Variants in SFMBT2 observed in about 807,000 individuals in gnomAD.
SFMBT2 encodes the protein Scm like with four mbt domains 2.
In SFMBT2, 38 loss-of-function variants were observed where a neutral mutation model predicts 110.1. The observed-to-expected ratio is 0.35, with a 90% CI of 0.27 to 0.45. SFMBT2 has a LOEUF of 0.45. SFMBT2 is among the 20% of genes least tolerant of loss of function. SFMBT2 has a pLI of 1.00. For missense variants in SFMBT2, 1,011 were observed against 1,094.9 expected (o/e 0.92, Z 1.08); for synonymous variants, 425 against 425.4 (o/e 1.00, Z 0.01).
rs189532460 is a variant in SFMBT2, at chr10:7,185,670, C to G, written c.1808+2954G>C. Among the ~76,000 whole-genome samples, 727 of 152,278 alleles carry G rather than the reference C, an allele frequency of 4.8e-3. 5 individuals are homozygous for G. Among genetic ancestry groups the G allele is most frequent in the Admixed American group, 5.6e-3 (86 of 15,294 alleles). On this transcript the variant is annotated intron_variant, in intron 16 of 20. Coordinates refer to ENST00000397167, the MANE Select transcript of SFMBT2 (RefSeq NM_001387889.1). Reference sequence around the variant, plus strand: ...TATTCTGAATAACTATAACACAGGACTAGAAGAATTATTAAGCTTCTGCCT... The same window carrying G: ...TATTCTGAATAACTATAACACAGGAGTAGAAGAATTATTAAGCTTCTGCCT...
intron 4 of SFMBT2, among the ~76,000 whole-genome samples, chr10:7,355,813 AAAATAAAT>A (rs746843341): frequency 9.2e-5 from 14 of 152,270 alleles, no homozygotes; most frequent in African/African-American, 3.4e-4. Flanking sequence ...CTCTGTCTCA[AAAATAAAT>A]AAATAAATAA....
At chr10:7,187,980 G>A (rs531936824) in intron 16 of SFMBT2, among the ~76,000 whole-genome samples, 41 of 152,216 alleles carry the variant, frequency 2.7e-4, no homozygotes, top group African/African-American at 9.1e-4. Flanking sequence ...TCTTAGAAAC[G>A]GATCTTTTTC....
rs751248207 is a variant in SFMBT2 at position 7,172,167 on chromosome 10, G to C, written c.2152-9C>G. The stretch of plus-strand genomic sequence containing the variant: ...TCCTCCTCTTCACTTTCCTGGGAAG[G>C]AGGAAAAGGCATTTAAGGGGCTGGT... On this transcript the variant is annotated splice_polypyrimidine_tract_variant and intron_variant, in intron 18 of 20. Transcript: ENST00000397167. The surrounding 1 kb of genome is among the most constrained non-coding windows in gnomAD (Gnocchi z 4.6). 7.3e-5 allele frequency: 112 copies of C among 1,537,152 alleles called. No homozygotes were observed. The highest frequency in any genetic ancestry group is 8.3e-5 in the Non-Finnish European group (95 of 1,141,520).
intron 6 of SFMBT2, among the ~76,000 whole-genome samples, chr10:7,278,777 G>A (rs1308362691): frequency 6.6e-6 from 1 of 152,128 alleles, no homozygotes; most frequent in Non-Finnish European, 1.5e-5. Flanking sequence ...CTCTGAATGG[G>A]GGAGGGATGC....
At chr10:7,195,293 A>G (rs911411723) in intron 15 of SFMBT2, among the ~76,000 whole-genome samples, 1 of 152,274 alleles carries the variant, frequency 6.6e-6, no homozygotes, top group Admixed American at 6.5e-5. Context: ...GTGCCAATTT[A>G]TTCACTTAGC....
At chr10:7,404,436 T>C (rs1336178119) in intron 1 of SFMBT2, among the ~76,000 whole-genome samples, 1 of 152,216 alleles carries the variant, frequency 6.6e-6, no homozygotes, top group Non-Finnish European at 1.5e-5. Flanking sequence ...ATCTTTTTCT[T>C]GGCCAATAAA....
At chr10:7,321,721 C>T (rs1843196111) in intron 4 of SFMBT2, among the ~76,000 whole-genome samples, 1 of 152,166 alleles carries the variant, frequency 6.6e-6, no homozygotes, top group Non-Finnish European at 1.5e-5. Context: ...CTCCCTTGTC[C>T]ATTTCCAAGC....
intron 4 of SFMBT2, among the ~76,000 whole-genome samples, chr10:7,304,690 C>A (rs1842644210): frequency 6.6e-6 from 1 of 152,272 alleles, no homozygotes; most frequent in East Asian, 1.9e-4. Flanking sequence ...CCTATCGATG[C>A]CGTCCATCAG....
At chr10:7,232,136 T>G (rs1483928945) in intron 9 of SFMBT2, among the ~76,000 whole-genome samples, 2 of 152,172 alleles carry the variant, frequency 1.3e-5, no homozygotes, top group African/African-American at 4.8e-5. Flanking sequence ...TATTTAAGCT[T>G]TTATTAGTGT....
At chr10:7,397,559 T>C (rs971652446) in intron 1 of SFMBT2, among the ~76,000 whole-genome samples, 1 of 152,092 alleles carries the variant, frequency 6.6e-6, no homozygotes, top group African/African-American at 2.4e-5. Context: ...AGCACAGGCA[T>C]CTATGCTGAG....
At chr10:7,271,296 A>C (rs998830820) in intron 7 of SFMBT2, among the ~76,000 whole-genome samples, 10 of 150,790 alleles carry the variant, frequency 6.6e-5, no homozygotes, top group African/African-American at 2.4e-4. Flanking sequence ...GCCTCCAAAA[A>C]AAAAAAAAAA....
intron 11 of SFMBT2, among the ~76,000 whole-genome samples, chr10:7,207,368 G>A (rs1283262276): frequency 1.3e-5 from 2 of 148,804 alleles, no homozygotes; most frequent in African/African-American, 2.5e-5. Context: ...AAGAAAGGAA[G>A]AAAGGAAGGA....
In SFMBT2 at chr10:7,301,316, C is replaced by A. The variant is rs1451911595; in HGVS notation, c.437-15362G>T. Among the ~76,000 whole-genome samples the A allele has an allele frequency of 6.6e-6, 1 of 152,242 alleles. No homozygotes were observed. Among genetic ancestry groups the A allele is most frequent in the Non-Finnish European group, 1.5e-5 (1 of 68,046 alleles). On this transcript the variant is annotated intron_variant, in intron 4 of 20. Transcript: ENST00000397167. The surrounding 1 kb of genome is among the most constrained non-coding windows in gnomAD (Gnocchi z 4.2). ...AAGACACTATGGACTAGTTGCCAGT[C>A]CCTCTACAGGGATCGTTTTGAAAGG... is the stretch of plus-strand genomic sequence containing the variant.
chr10:7,196,938 G>A (rs951412978), intron 15 of SFMBT2, among the ~76,000 whole-genome samples: 8 of 152,170 alleles, frequency 5.3e-5, no homozygotes, highest in Non-Finnish European at 1.2e-4. Flanking sequence ...TCTGCAGGTC[G>A]TCGCCCGAAG....
intron 4 of SFMBT2, among the ~76,000 whole-genome samples, chr10:7,299,707 A>G (rs1842503650): frequency 6.6e-6 from 1 of 152,180 alleles, no homozygotes; most frequent in African/African-American, 2.4e-5. Flanking sequence ...CAGAAATATC[A>G]TTTGACCCAG....
intron 10 of SFMBT2, among the ~76,000 whole-genome samples, chr10:7,223,997 T>C (rs1411151933): frequency 6.6e-6 from 1 of 152,228 alleles, no homozygotes; most frequent in African/African-American, 2.4e-5. Context: ...TGGGTCATGA[T>C]GGGTTTAGTC....
chr10:7,265,926 G>A (rs983227459), intron 7 of SFMBT2, among the ~76,000 whole-genome samples: 9 of 152,130 alleles, frequency 5.9e-5, no homozygotes, highest in Non-Finnish European at 1.0e-4. Flanking sequence ...ATTCTAGCTA[G>A]GGGAAGGAGG....
intron 4 of SFMBT2, among the ~76,000 whole-genome samples, chr10:7,364,822 AG>A (rs1340709094): frequency 1.3e-5 from 2 of 152,170 alleles, no homozygotes; most frequent in Non-Finnish European, 2.9e-5. Context: ...CCTGAGTGTG[AG>A]GGGGCACAAA....
In SFMBT2 at chr10:7,367,992, C is replaced by A; in HGVS notation, c.196-103G>T. The A allele has an allele frequency of 6.9e-7, 1 of 1,458,254 alleles. No homozygotes were observed. Among genetic ancestry groups the A allele is most frequent in the Non-Finnish European group, 9.2e-7 (1 of 1,089,048 alleles). The allele number at this position is 1,458,254 out of a possible 1,614,324, so 90.3% of individuals were successfully genotyped here. A position where few individuals can be genotyped will look rare whatever the true frequency, so the allele number is the denominator to read the frequency against. On this transcript the variant is annotated intron_variant, in intron 3 of 20. Transcript: ENST00000397167. The surrounding 1 kb of genome is among the most constrained non-coding windows in gnomAD (Gnocchi z 6.2). ...AAATATGGCACTTACAAACAATATT[C>A]CTGTTGCTCTAAAACAGGCATGTAT...
Sources: allele counts gnomAD v4.1 joint callset (sites outside exome capture counted in the v4.1 genomes callset), GRCh38; gene constraint gnomAD v4.1.1; non-coding constraint Gnocchi (gnomAD v3.1); transcripts MANE v1.5; gene names NCBI Gene and HGNC (gene_info 2026-07-23, HGNC 2026-07-21).